Variants in SNX10 observed in about 807,000 individuals in gnomAD.
SNX10 encodes sorting nexin 10.
A neutral mutation model predicts 28.5 loss-of-function variants in SNX10; 25 were observed. The observed-to-expected ratio is 0.88, with a 90% CI of 0.64 to 1.22. The LOEUF (loss-of-function observed/expected upper bound fraction) is 1.22, where lower values mean the gene tolerates loss of function less well. SNX10 is among the 50% of genes most tolerant of loss of function. The pLI is 0.00. For synonymous variants in SNX10, 62 were observed against 81.4 expected (o/e 0.76, Z 1.28); for missense variants, 223 against 242.6 (o/e 0.92, Z 0.54).
chr7:26,319,925 A>G (rs1210908564), intron 1 of SNX10, among the ~76,000 whole-genome samples: 2 of 151,564 alleles, frequency 1.3e-5, no homozygotes, highest in East Asian at 1.9e-4. Context: ...TTTATTTTAT[A>G]TATCTATATG....
At chr7:26,341,516 A>G (rs1387025344) in intron 1 of SNX10, among the ~76,000 whole-genome samples, 2 of 142,318 alleles carry the variant, frequency 1.4e-5, no homozygotes, top group Admixed American at 1.4e-4. Flanking sequence ...TTTTTTTGAG[A>G]TGGAGTCTCG....
chr7:26,349,884 G>T (rs1788530744), intron 2 of SNX10, among the ~76,000 whole-genome samples: 1 of 152,332 alleles, frequency 6.6e-6, no homozygotes, highest in South Asian at 2.1e-4. Context: ...GTGTATGAGT[G>T]AGCATTTGCT....
intron 1 of SNX10, among the ~76,000 whole-genome samples, chr7:26,293,403 C>T (rs1022230971): frequency 5.3e-5 from 8 of 151,872 alleles, no homozygotes; most frequent in African/African-American, 1.9e-4. Context: ...CAGGGTTTTG[C>T]CATGTTGCCC....
chr7:26,353,600 T>C (rs1420388892), intron 2 of SNX10, among the ~76,000 whole-genome samples: 4 of 151,978 alleles, frequency 2.6e-5, no homozygotes. Context: ...TACAAGTGTG[T>C]GCCACCACAC....
intron 2 of SNX10, among the ~76,000 whole-genome samples, chr7:26,359,118 C>A (rs1024378204): frequency 2.0e-5 from 3 of 151,782 alleles, no homozygotes; most frequent in African/African-American, 7.3e-5. Flanking sequence ...TTATTCTATC[C>A]CCTAAATGAT....
chr7:26,371,789 A>G (rs1188657651), intron 5 of SNX10, 32 bp from the exon 6 acceptor site: 1 of 1,481,400 alleles, frequency 6.8e-7, no homozygotes, highest in Admixed American at 1.8e-5. Context: ...CATCCTGTTC[A>G]CCAATTATTT....
chr7:26,292,959 A>G (rs574088718), intron 1 of SNX10: 5 of 152,410 alleles, frequency 3.3e-5, no homozygotes, highest in Middle Eastern at 3.4e-3. Flanking sequence ...GGGCCTGGGA[A>G]CTGGGTTTGG....
chr7:26,306,436 G>A (rs1002671509), intron 1 of SNX10, among the ~76,000 whole-genome samples: 1 of 146,534 alleles, frequency 6.8e-6, no homozygotes, highest in Non-Finnish European at 1.5e-5. Context: ...TTTTGAGACA[G>A]GGTCTTGTTT....
chr7:26,357,068 CT>C, intron 2 of SNX10: 1 of 1,227,208 alleles, frequency 8.1e-7, no homozygotes, highest in Non-Finnish European at 1.1e-6. Flanking sequence ...GCATTCAAGT[CT>C]TACAAGACAG....
chr7:26,299,298 C>T (rs569187285), intron 1 of SNX10, among the ~76,000 whole-genome samples: 24 of 152,128 alleles, frequency 1.6e-4, no homozygotes, highest in African/African-American at 5.3e-4. Context: ...CGGGTTCAAG[C>T]GATTCTTCTG....
chr7:26,333,385 C>T (rs1438920847), intron 1 of SNX10, among the ~76,000 whole-genome samples: 1 of 136,416 alleles, frequency 7.3e-6, no homozygotes, highest in Non-Finnish European at 1.5e-5. Flanking sequence ...AGTGCAGTGG[C>T]GTGATCTCCG....
chr7:26,299,641 G>T (rs1035474727), intron 1 of SNX10, among the ~76,000 whole-genome samples: 1 of 151,870 alleles, frequency 6.6e-6, no homozygotes, highest in African/African-American at 2.4e-5. Flanking sequence ...GTGTTGGCTG[G>T]TCTCGAACTC....
intron 1 of SNX10, among the ~76,000 whole-genome samples, chr7:26,317,818 A>G (rs188936580): frequency 6.6e-6 from 1 of 151,860 alleles, no homozygotes; most frequent in East Asian, 1.9e-4. Flanking sequence ...ACATACTACC[A>G]CGCCCAGCTA....
chr7:26,317,690 T>TCTCA lies in SNX10; in HGVS notation c.-24+25608_-24+25611dup, dbSNP rs564407488. 2.2e-5 allele frequency among the ~76,000 whole-genome samples: 3 copies of TCTCA among 139,488 alleles called. No individual in the cohort carries two copies. The South Asian group carries it at 6.8e-4, about 32-fold the overall frequency. 91.5% of individuals were successfully genotyped at this position (139,488 alleles called of 152,430 possible). The stretch of plus-strand genomic sequence containing the variant: ...TTTTTTTTTTTTTTTTGAGACAGAG[T>TCTCA]CTCACTCTGTTGCCCAGGCTGGAGT... On this transcript the variant is annotated intron_variant, in intron 1 of 6. Transcript: ENST00000338523.
At chr7:26,304,363 T>A (rs1562784103) in intron 1 of SNX10, among the ~76,000 whole-genome samples, 1 of 152,250 alleles carries the variant, frequency 6.6e-6, no homozygotes, top group Non-Finnish European at 1.5e-5. Flanking sequence ...GTTGCCATTG[T>A]TACTTTCCTA....
intron 1 of SNX10, among the ~76,000 whole-genome samples, chr7:26,328,148 G>T (rs1321904308): frequency 6.6e-6 from 1 of 152,264 alleles, no homozygotes; most frequent in African/African-American, 2.4e-5. Context: ...ATGAGAGCTC[G>T]AACTAGGCCA....
At chr7:26,301,900 A>G (rs1362982728) in intron 1 of SNX10, among the ~76,000 whole-genome samples, 2 of 152,136 alleles carry the variant, frequency 1.3e-5, no homozygotes, top group African/African-American at 2.4e-5. Flanking sequence ...CTCTGATTTA[A>G]AAGTTTTTTA....
chr7:26,342,031 T>C (rs977080837), intron 1 of SNX10, among the ~76,000 whole-genome samples: 11 of 138,860 alleles, frequency 7.9e-5, no homozygotes, highest in Admixed American at 3.6e-4. Flanking sequence ...CTTCTTTCTT[T>C]TTTTTTTTTT....
At chr7:26,351,254 A>C (rs772630342) in intron 2 of SNX10, among the ~76,000 whole-genome samples, 4 of 152,262 alleles carry the variant, frequency 2.6e-5, no homozygotes, top group Admixed American at 6.5e-5. Context: ...GAAATGAACA[A>C]AGAATAACTT....
Sources: gnomAD v4.1 joint callset for allele counts (sites outside exome capture counted in the v4.1 genomes callset) on GRCh38, gnomAD v4.1.1 for gene constraint, MANE v1.5 for transcripts, NCBI Gene and HGNC (gene_info 2026-07-23, HGNC 2026-07-21) for gene names.